Variants in CPNE1 observed in about 807,000 individuals in gnomAD.
The protein encoded by CPNE1 is copine 1, also known as copine-1.
A neutral mutation model predicts 63.2 loss-of-function variants in CPNE1; 58 were observed. That is an observed-to-expected ratio of 0.92 (90% confidence interval 0.74 to 1.14). The LOEUF (loss-of-function observed/expected upper bound fraction) is 1.14, where lower values mean the gene tolerates loss of function less well. Among genes scored for constraint, CPNE1 ranks in the 50% most tolerant of loss-of-function variants. The pLI, the probability that CPNE1 is intolerant of heterozygous loss-of-function variation, is 0.00. For synonymous variants in CPNE1, 237 were observed against 249.0 expected, an observed-to-expected ratio of 0.95 and a Z score of 0.45; for missense variants, 672 against 661.7, an observed-to-expected ratio of 1.02 and a Z score of -0.17.
chr20:35,630,518 T>C, intron 12 of CPNE1, 28 bp from the exon 13 acceptor site: 2 of 1,612,484 alleles, frequency 1.2e-6, no homozygotes, highest in Admixed American at 1.7e-5. Flanking sequence ...AATGAGGTTC[T>C]TTCCCCATGA....
At chr20:35,629,707 T>C (rs903546616) in intron 13 of CPNE1, among the ~76,000 whole-genome samples, 5 of 151,554 alleles carry the variant, frequency 3.3e-5, no homozygotes, top group Non-Finnish European at 5.9e-5. Context: ...GGCTGGAGTA[T>C]AGTGGCATGA....
intron 1 of CPNE1, chr20:35,649,784 A>C (rs1015768489): frequency 6.6e-6 from 1 of 152,260 alleles, no homozygotes; most frequent in African/African-American, 2.4e-5. Context: ...AAGGGAGAGG[A>C]AAAAAAATTA....
intron 1 of CPNE1, among the ~76,000 whole-genome samples, chr20:35,634,737 G>C (rs2032385883): frequency 6.6e-6 from 1 of 151,922 alleles, no homozygotes; most frequent in African/African-American, 2.4e-5. Context: ...AATAAGCCAA[G>C]TTTGTTTGTT....
intron 3 of CPNE1, 62 bp from the exon 4 acceptor site, chr20:35,632,447 C>T: frequency 6.2e-7 from 1 of 1,604,220 alleles, no homozygotes; most frequent in Non-Finnish European, 8.5e-7. Flanking sequence ...TGCTTGCCCC[C>T]TACCTCCAGG....
chr20:35,645,060 T>TACC (rs2033030523), intron 1 of CPNE1, among the ~76,000 whole-genome samples: 1 of 152,128 alleles, frequency 6.6e-6, no homozygotes, highest in Non-Finnish European at 1.5e-5. Context: ...AACAGTACTA[T>TACC]ACCGCCTTCC....
rs1233704581 is a variant in CPNE1, at chr20:35,635,470, A to T, written c.1-2547T>A. Among the ~76,000 whole-genome samples, 3 of 152,050 alleles carry T rather than the reference A, an allele frequency of 2.0e-5. No homozygotes were observed. The East Asian group carries it at 5.8e-4, about 29-fold the overall frequency. On this transcript the variant is annotated intron_variant, in intron 1 of 15. Coordinates refer to ENST00000397443, the MANE Select transcript of CPNE1 (RefSeq NM_152925.3). ...AAACTAACTGATGTCTCGCCCTTGT[A>T]ATCAGGCAGCACCAAGCTTCTCTGA...
At position 35,626,823 on chromosome 20, in the gene CPNE1, T is replaced by C. The variant is rs141189674; in HGVS notation, c.1237-20A>G. ...GTATTGCTGGGGACAAGCCCATTCATGTCCTGAAGCAGATCCTCCTCCTAA... is the reference window on the plus strand; with the variant it reads ...GTATTGCTGGGGACAAGCCCATTCACGTCCTGAAGCAGATCCTCCTCCTAA... On this transcript the variant is annotated intron_variant, in intron 14 of 15. Transcript: ENST00000397443. 1.3e-6 allele frequency: 2 copies of C among 1,595,932 alleles called. No individual in the cohort carries two copies. The highest frequency in any genetic ancestry group is 2.2e-5 in the East Asian group (1 of 44,774).
At chr20:35,656,543 ATTTATTTT>A (rs754058245) in intron 1 of CPNE1, among the ~76,000 whole-genome samples, 7 of 152,134 alleles carry the variant, frequency 4.6e-5, no homozygotes, top group Non-Finnish European at 1.0e-4. Flanking sequence ...TTATTTATTT[ATTTATTTT>A]GAGACAGAGT....
intron 5 of CPNE1, 68 bp downstream of exon 5, chr20:35,632,095 C>A: frequency 2.5e-6 from 4 of 1,597,440 alleles, no homozygotes; most frequent in Non-Finnish European, 3.4e-6. Flanking sequence ...CTGTCCACAC[C>A]CCCATCCCCC....
Position 35,626,808 on chromosome 20 carries a change from G to A in CPNE1, c.1237-5C>T. The A allele has an allele frequency of 6.2e-7, 1 of 1,609,338 alleles. No individual in the cohort carries two copies. The highest frequency in any genetic ancestry group is 8.5e-7 in the Non-Finnish European group (1 of 1,175,782). On this transcript the variant is annotated splice_polypyrimidine_tract_variant and splice_region_variant and intron_variant, in intron 14 of 15. Transcript: ENST00000397443. ...CAGCAACAGCATGAAGTATTGCTGG[G>A]GACAAGCCCATTCATGTCCTGAAGC... is the stretch of plus-strand genomic sequence containing the variant.
At position 35,652,435 on chromosome 20, in the gene CPNE1, G is replaced by A. The variant is rs991307796; in HGVS notation, c.-1+12325C>T. 1.4e-5 allele frequency: 20 copies of A among 1,434,080 alleles called. No individual in the cohort carries two copies. In the African/African-American group the frequency reaches 2.7e-4, roughly 19 times the overall value. 88.8% of individuals were successfully genotyped at this position (1,434,080 alleles called of 1,614,324 possible). A position where few individuals can be genotyped will look rare whatever the true frequency, so the allele number is the denominator to read the frequency against. ...CTATATGCAATTGAAACAATCCACA[G>A]GTTCTAACCTGGAAATACTAGGAAA... On this transcript the variant is annotated intron_variant, in intron 1 of 15. Coordinates refer to ENST00000397443, the MANE Select transcript of CPNE1 (RefSeq NM_152925.3).
At chr20:35,659,137 T>TAA in intron 1 of CPNE1, 6 of 256,608 alleles carry the variant, frequency 2.3e-5, no homozygotes, top group Non-Finnish European at 3.3e-5. Context: ...AGAATGCATA[T>TAA]CAAAAAAAAA....
chr20:35,632,449 A>C, intron 3 of CPNE1, 64 bp from the exon 4 acceptor site: 2 of 1,598,684 alleles, frequency 1.3e-6, no homozygotes, highest in Non-Finnish European at 1.7e-6. Flanking sequence ...CTTGCCCCCT[A>C]CCTCCAGGCA....
Position 35,626,355 on chromosome 20 carries a change from G to A in CPNE1, c.1500C>T (p.Thr500=), listed in dbSNP as rs756243332. 1.3e-5 allele frequency: 21 copies of A among 1,613,974 alleles called. No individual in the cohort carries two copies. Among genetic ancestry groups the A allele is most frequent in the Admixed American group, 3.3e-5 (2 of 60,006 alleles). Residue 500 remains threonine (T), a synonymous_variant, in exon 16 of 16, where the codon ACC becomes ACT. Transcript: ENST00000397443. ...QNAPREALAQ[T]VLAEVPTQLV... ...GTTGTGTGGGCACTTCTGCGAGCAC[G>A]GTCTGTGCCAATGCCTCCCGAGGGG...
intron 1 of CPNE1, chr20:35,652,873 C>A: frequency 6.2e-7 from 1 of 1,613,098 alleles, no homozygotes; most frequent in African/African-American, 1.3e-5. Context: ...ACCCAAATGC[C>A]CAGGGGCACT....
intron 14 of CPNE1, among the ~76,000 whole-genome samples, chr20:35,627,074 G>T (rs2031794053): frequency 6.6e-6 from 1 of 151,464 alleles, no homozygotes; most frequent in South Asian, 2.1e-4. Flanking sequence ...TGTAATCCAA[G>T]CTACTAGGAA....
intron 7 of CPNE1, 32 bp from the exon 8 acceptor site, chr20:35,631,610 G>A (rs1405688543): frequency 4.4e-6 from 7 of 1,608,766 alleles, no homozygotes; most frequent in African/African-American, 4.0e-5. Context: ...ACATAAACAA[G>A]CCAGGTGGCA....
chr20:35,632,035 C>T lies in CPNE1; in HGVS notation c.457-10G>A, dbSNP rs767857434. The T allele has an allele frequency of 5.0e-6, 8 of 1,613,608 alleles. No homozygotes were observed. Among genetic ancestry groups the T allele is most frequent in the Middle Eastern group, 1.6e-4 (1 of 6,082 alleles). ...ATTTTCCCAGGAAGTCCTGCCAATG[C>T]GAGACCCCAGTTACAAGACTCAGGA... is the stretch of plus-strand genomic sequence containing the variant. On this transcript the variant is annotated splice_polypyrimidine_tract_variant and intron_variant, in intron 5 of 15. Transcript: ENST00000397443.
chr20:35,637,980 G>A (rs564811970), intron 1 of CPNE1, among the ~76,000 whole-genome samples: 1 of 152,268 alleles, frequency 6.6e-6, no homozygotes, highest in Non-Finnish European at 1.5e-5. Context: ...GCTAGCTCCA[G>A]GACCCACAGC....
Sources: allele counts gnomAD v4.1 joint callset (sites outside exome capture counted in the v4.1 genomes callset), GRCh38; gene constraint gnomAD v4.1.1; transcripts MANE v1.5; gene names NCBI Gene and HGNC (gene_info 2026-07-23, HGNC 2026-07-21).